Variants in ST8SIA2 observed in about 807,000 individuals in gnomAD.
The protein encoded by ST8SIA2 is ST8 alpha-N-acetyl-neuraminide alpha-2,8-sialyltransferase 2.
In ST8SIA2, 22 loss-of-function variants were observed where a neutral mutation model predicts 37.6. That is an observed-to-expected ratio of 0.58 (90% CI 0.42 to 0.83). The LOEUF (loss-of-function observed/expected upper bound fraction) is 0.83. Among genes scored for constraint, ST8SIA2 ranks in the 40% least tolerant of loss-of-function variants. The probability of loss-of-function intolerance (pLI) is 0.00; values close to 1 mark genes in which losing one functional copy is unlikely to be tolerated. For synonymous variants in ST8SIA2, 205 were observed against 201.2 expected (o/e 1.02, Z -0.16); for missense variants, 382 against 484.7 (o/e 0.79, Z 1.99).
Position 92,405,970 on chromosome 15 carries a change from C to G in ST8SIA2, c.98+11808C>G, listed in dbSNP as rs527373376. 3.3e-5 allele frequency among the ~76,000 whole-genome samples: 5 copies of G among 152,290 alleles called. No homozygotes were observed. In the East Asian group the frequency reaches 9.7e-4, roughly 29 times the overall value. Reference sequence around the variant, plus strand: ...GTCCAGACCCCCTCCCTCCCAGACGCAGCTTCCAGAAGTCCCTTTCTTTAT... The same window carrying G: ...GTCCAGACCCCCTCCCTCCCAGACGGAGCTTCCAGAAGTCCCTTTCTTTAT... On this transcript the variant is annotated intron_variant, in intron 1 of 5. Transcript: ENST00000268164.
At chr15:92,401,553 T>C (rs1207366823) in intron 1 of ST8SIA2, among the ~76,000 whole-genome samples, 1 of 152,160 alleles carries the variant, frequency 6.6e-6, no homozygotes, top group Non-Finnish European at 1.5e-5. Flanking sequence ...GTGTCTGTAT[T>C]ACACGTTGGC....
rs77530389 is a variant in ST8SIA2 at position 92,399,343 on chromosome 15, A to C, written c.98+5181A>C. Among the ~76,000 whole-genome samples, 109 of 152,326 alleles carry C rather than the reference A, an allele frequency of 7.2e-4. 1 individual carries two copies. The highest frequency in any genetic ancestry group is 2.5e-3 in the African/African-American group (102 of 41,572). On this transcript the variant is annotated intron_variant, in intron 1 of 5. Coordinates refer to ENST00000268164, the MANE Select transcript of ST8SIA2 (RefSeq NM_006011.4). The stretch of plus-strand genomic sequence containing the variant: ...CATCAGAACTGATGCCATCCAGTAC[A>C]CCACGGCCAGGGGTCCTAGTGCACC...
chr15:92,395,244 G>C (rs189204583), intron 1 of ST8SIA2, among the ~76,000 whole-genome samples: 172 of 152,326 alleles, frequency 1.1e-3, no homozygotes, highest in Non-Finnish European at 2.2e-3. Context: ...TTCTTCTGTG[G>C]GATTTGTGCT....
chr15:92,394,925 G>T lies in ST8SIA2; in HGVS notation c.98+763G>T, dbSNP rs552098876. ...CGGTGGGCTTCTGGGCCCTCAGGCG[G>T]GCGATCTGGCGCTTTTTTTCTCCCG... On this transcript the variant is annotated intron_variant, in intron 1 of 5. Coordinates refer to ENST00000268164, the MANE Select transcript of ST8SIA2 (RefSeq NM_006011.4). 5.3e-5 allele frequency among the ~76,000 whole-genome samples: 8 copies of T among 152,332 alleles called. No homozygotes were observed. The South Asian group carries it at 1.7e-3, about 32-fold the overall frequency.
intron 5 of ST8SIA2, among the ~76,000 whole-genome samples, chr15:92,455,232 C>T (rs1436847113): frequency 2.0e-5 from 3 of 152,134 alleles, no homozygotes; most frequent in East Asian, 1.9e-4. Context: ...CAGTCTCCTC[C>T]GGTTGACAGA....
chr15:92,424,294 C>A (rs1416265980), intron 1 of ST8SIA2, among the ~76,000 whole-genome samples: 1 of 152,132 alleles, frequency 6.6e-6, no homozygotes, highest in Admixed American at 6.5e-5. Context: ...CTGGACCTTA[C>A]CTTACCTATA....
At chr15:92,430,260 G>A (rs1195808012) in intron 2 of ST8SIA2, 149 bp downstream of exon 2, 1 of 821,368 alleles carries the variant, frequency 1.2e-6, no homozygotes, top group Non-Finnish European at 2.0e-6. Context: ...TCACTTTTGG[G>A]GGGAGCTGTC....
chr15:92,423,868 G>A (rs1171840600), intron 1 of ST8SIA2, among the ~76,000 whole-genome samples: 1 of 152,138 alleles, frequency 6.6e-6, no homozygotes, highest in Non-Finnish European at 1.5e-5. Context: ...ATTTTACCAC[G>A]ATTTTAAAAA....
intron 5 of ST8SIA2, among the ~76,000 whole-genome samples, chr15:92,447,918 C>T (rs903834584): frequency 1.3e-5 from 2 of 152,138 alleles, no homozygotes; most frequent in African/African-American, 2.4e-5. Flanking sequence ...TATTAAATAT[C>T]GTTCCTTCCT....
At chr15:92,454,937 T>C (rs1043751054) in intron 5 of ST8SIA2, among the ~76,000 whole-genome samples, 2 of 151,734 alleles carry the variant, frequency 1.3e-5, no homozygotes, top group Non-Finnish European at 2.9e-5. Context: ...AAAGCAGCCC[T>C]GGGTGCAGAC....
chr15:92,417,494 G>A (rs1384122459), intron 1 of ST8SIA2: 1 of 152,260 alleles, frequency 6.6e-6, no homozygotes, highest in Non-Finnish European at 1.5e-5. Context: ...AGGGAAGAAA[G>A]CCTGGTTGAA....
At chr15:92,440,717 C>T (rs2141836138) in intron 4 of ST8SIA2, among the ~76,000 whole-genome samples, 1 of 152,268 alleles carries the variant, frequency 6.6e-6, no homozygotes, top group African/African-American at 2.4e-5. Context: ...GCTCCTCCAC[C>T]CCACTGGGAC....
chr15:92,452,967 A>T (rs531479024), intron 5 of ST8SIA2, among the ~76,000 whole-genome samples: 11 of 152,144 alleles, frequency 7.2e-5, no homozygotes, highest in Non-Finnish European at 1.3e-4. Flanking sequence ...CCACGCTGAG[A>T]TTCTCTCATT....
At chr15:92,446,915 G>A (rs1270301207) in intron 5 of ST8SIA2, among the ~76,000 whole-genome samples, 1 of 152,100 alleles carries the variant, frequency 6.6e-6, no homozygotes, top group East Asian at 1.9e-4. Flanking sequence ...GGTGAGAGAG[G>A]CAGGTGCCAG....
chr15:92,424,451 T>C (rs74891803), intron 1 of ST8SIA2, among the ~76,000 whole-genome samples: 3,967 of 152,276 alleles, frequency 0.026, 177 homozygotes, highest in African/African-American at 0.088. Flanking sequence ...AATGCAGTTT[T>C]CAGGTTTTGC....
chr15:92,437,728 C>A (rs1003105958), intron 3 of ST8SIA2, among the ~76,000 whole-genome samples: 19 of 152,114 alleles, frequency 1.2e-4, no homozygotes, highest in Admixed American at 1.2e-3. Context: ...CCCAGAGAAA[C>A]CTTCCGTGGA....
chr15:92,404,245 G>C (rs2049491409), intron 1 of ST8SIA2, among the ~76,000 whole-genome samples: 2 of 152,206 alleles, frequency 1.3e-5, no homozygotes, highest in African/African-American at 2.4e-5. Flanking sequence ...GAGCAACTGA[G>C]AGCTACTCTT....
intron 4 of ST8SIA2, among the ~76,000 whole-genome samples, chr15:92,441,029 G>T (rs997381188): frequency 6.6e-4 from 100 of 152,154 alleles, no homozygotes; most frequent in African/African-American, 2.4e-3. Flanking sequence ...GCCAGAGGAG[G>T]GCCTCCATGT....
Position 92,438,553 on chromosome 15 carries a change from G to C in ST8SIA2, c.491G>C (p.Gly164Ala). ...FGTCAIVGNSGVLLNSGCGQE... is the reference protein window; with the variant it reads ...FGTCAIVGNSAVLLNSGCGQE... ...ACTTGTGCCATCGTGGGCAACTCGG[G>C]GGTCTTGCTGAACAGCGGCTGTGGG... is the stretch of plus-strand genomic sequence containing the variant. Residue 164 changes from glycine (G) to alanine (A), a missense_variant, in exon 4 of 6, where the codon GGG (glycine) becomes GCG (alanine). Coordinates refer to ENST00000268164, the MANE Select transcript of ST8SIA2 (RefSeq NM_006011.4). 1.2e-6 allele frequency: 2 copies of C among 1,613,964 alleles called. No homozygotes were observed. The highest frequency in any genetic ancestry group is 1.7e-6 in the Non-Finnish European group (2 of 1,179,862).
Sources: gnomAD v4.1 joint callset for allele counts (sites outside exome capture counted in the v4.1 genomes callset) on GRCh38, gnomAD v4.1.1 for gene constraint, MANE v1.5 for transcripts, NCBI Gene and HGNC (gene_info 2026-07-23, HGNC 2026-07-21) for gene names.